HIRA: variants seen among roughly 807,000 people sequenced by gnomAD.
HIRA encodes the protein protein HIRA.
A neutral mutation model predicts 126.6 loss-of-function variants in HIRA; 13 were observed. That is an observed-to-expected ratio of 0.10 (90% CI 0.07 to 0.16). The LOEUF is 0.16. HIRA is among the 10% of genes least tolerant of loss of function. HIRA has a pLI of 1.00. For synonymous variants in HIRA, 511 were observed against 520.0 expected (o/e 0.98, Z 0.24); for missense variants, 834 against 1,314.4 (o/e 0.63, Z 5.65).
chr22:19,390,496 G>A (rs1468682363), intron 9 of HIRA, among the ~76,000 whole-genome samples: 1 of 149,408 alleles, frequency 6.7e-6, no homozygotes. Context: ...GGCTGAGGCA[G>A]GAGAATCTCG....
At chr22:19,412,882 C>A (rs2089365372) in intron 1 of HIRA, among the ~76,000 whole-genome samples, 1 of 152,184 alleles carries the variant, frequency 6.6e-6, no homozygotes, top group Admixed American at 6.5e-5. Context: ...AGTAAAGATA[C>A]ATAATCATAC....
intron 1 of HIRA, among the ~76,000 whole-genome samples, chr22:19,415,714 G>A (rs1415858593): frequency 3.3e-5 from 5 of 152,076 alleles, no homozygotes; most frequent in East Asian, 1.9e-4. Context: ...GCTTGAACCC[G>A]GGAGGTGGAG....
At chr22:19,407,642 A>G (rs941694171) in intron 3 of HIRA, among the ~76,000 whole-genome samples, 1 of 152,240 alleles carries the variant, frequency 6.6e-6, no homozygotes, top group Non-Finnish European at 1.5e-5. Context: ...TTCTCAAAAA[A>G]AGAGTACGTG....
chr22:19,384,492 G>C (rs1221060128), intron 12 of HIRA, among the ~76,000 whole-genome samples: 2 of 151,900 alleles, frequency 1.3e-5, no homozygotes, highest in African/African-American at 4.8e-5. Context: ...ATTCTAAATT[G>C]CCCTCCTGGT....
rs1556025180 is a variant in HIRA at position 19,409,288 on chromosome 22, C to CT, written c.101-696dup. On this transcript the variant is annotated intron_variant, in intron 2 of 24. Transcript: ENST00000263208. ...ATGCCTTTTAGTAATGATTTCTTTT[C>CT]TTTTTTTTTTTTTGAGATGGAGTCT... 9.3e-3 allele frequency among the ~76,000 whole-genome samples: 1,347 copies of CT among 145,336 alleles called. 15 individuals carry two copies. Among genetic ancestry groups the CT allele is most frequent in the South Asian group, 0.043 (197 of 4,600 alleles).
chr22:19,407,091 A>C (rs1308901875), intron 4 of HIRA, 93 bp downstream of exon 4: 16 of 999,962 alleles, frequency 1.6e-5, no homozygotes, highest in South Asian at 1.6e-4. Flanking sequence ...GGCTATGGGA[A>C]CTTCAGTGAC....
At chr22:19,417,295 A>C (rs2089406751) in intron 1 of HIRA, among the ~76,000 whole-genome samples, 1 of 152,180 alleles carries the variant, frequency 6.6e-6, no homozygotes, top group South Asian at 2.1e-4. Context: ...ATGCAAGTCA[A>C]AACCACAATT....
intron 15 of HIRA, among the ~76,000 whole-genome samples, chr22:19,373,166 G>A (rs898941024): frequency 2.0e-5 from 3 of 152,038 alleles, no homozygotes; most frequent in Non-Finnish European, 2.9e-5. Context: ...CTTACATTTA[G>A]TTCTTTGTTC....
intron 15 of HIRA, among the ~76,000 whole-genome samples, chr22:19,375,154 A>C (rs2089006078): frequency 6.6e-6 from 1 of 152,236 alleles, no homozygotes; most frequent in African/African-American, 2.4e-5. Context: ...TAGTGTCCAC[A>C]AGAGCTCAGA....
intron 22 of HIRA, 83 bp downstream of exon 22, chr22:19,353,913 G>T: frequency 6.6e-7 from 1 of 1,512,848 alleles, no homozygotes; most frequent in Non-Finnish European, 9.0e-7. Context: ...GACCAGGCCT[G>T]GGCAGGGACT....
At chr22:19,429,895 C>A (rs2089517719) in intron 1 of HIRA, among the ~76,000 whole-genome samples, 1 of 152,150 alleles carries the variant, frequency 6.6e-6, no homozygotes, top group African/African-American at 2.4e-5. Flanking sequence ...AACATTTTTC[C>A]TTTCCTAATC....
chr22:19,408,844 A>G (rs534991815), intron 2 of HIRA, among the ~76,000 whole-genome samples: 2 of 152,346 alleles, frequency 1.3e-5, no homozygotes, highest in Non-Finnish European at 1.5e-5. Context: ...ACTTTAGACT[A>G]GCAATCAGGA....
intron 24 of HIRA, among the ~76,000 whole-genome samples, chr22:19,338,384 G>T (rs1416146304): frequency 1.4e-5 from 2 of 147,740 alleles, no homozygotes; most frequent in Non-Finnish European, 3.0e-5. Context: ...AAAACTCACA[G>T]GGTCTATAAA....
At chr22:19,414,142 C>T (rs556356428) in intron 1 of HIRA, among the ~76,000 whole-genome samples, 39 of 152,306 alleles carry the variant, frequency 2.6e-4, no homozygotes, top group African/African-American at 9.4e-4. Flanking sequence ...CTTAGATCAA[C>T]CCCAGATCAG....
intron 14 of HIRA, 116 bp from the exon 15 acceptor site, chr22:19,375,908 C>T (rs1569300002): frequency 3.6e-6 from 4 of 1,097,402 alleles, no homozygotes; most frequent in East Asian, 2.6e-5. Context: ...CTTCCATAAA[C>T]ACAAAAAATG....
intron 5 of HIRA, chr22:19,398,954 G>A (rs2089245298): frequency 5.0e-6 from 1 of 200,876 alleles, no homozygotes; most frequent in African/African-American, 2.4e-5. Flanking sequence ...GGGCAACAGA[G>A]TAAGACCCTG....
chr22:19,414,037 T>G (rs2089375513), intron 1 of HIRA, among the ~76,000 whole-genome samples: 1 of 152,114 alleles, frequency 6.6e-6, no homozygotes, highest in African/African-American at 2.4e-5. Flanking sequence ...AGTTCCCAAC[T>G]ACCTCCAGTG....
At chr22:19,413,820 C>T (rs1256284280) in intron 1 of HIRA, among the ~76,000 whole-genome samples, 2 of 151,988 alleles carry the variant, frequency 1.3e-5, no homozygotes, top group Non-Finnish European at 2.9e-5. Flanking sequence ...CCATGTTAGC[C>T]AGGATGGTCT....
intron 15 of HIRA, among the ~76,000 whole-genome samples, chr22:19,366,345 G>A (rs575780817): frequency 6.6e-6 from 1 of 152,368 alleles, no homozygotes; most frequent in East Asian, 1.9e-4. Flanking sequence ...CTGGGCGACA[G>A]AGCGAGACTC....
Sources: allele counts gnomAD v4.1 joint callset (sites outside exome capture counted in the v4.1 genomes callset), GRCh38; gene constraint gnomAD v4.1.1; transcripts MANE v1.5; gene names NCBI Gene and HGNC (gene_info 2026-07-23, HGNC 2026-07-21).